Variants in KCNK2 observed in about 807,000 individuals in gnomAD.
The protein encoded by KCNK2 is potassium channel subfamily K member 2.
Under a neutral mutation model 40.5 loss-of-function variants are expected in KCNK2, and 21 were observed. The observed-to-expected ratio is 0.52, with a 90% CI of 0.37 to 0.75. The LOEUF (loss-of-function observed/expected upper bound fraction) is 0.75, where lower values mean the gene tolerates loss of function less well. KCNK2 is among the 30% of genes least tolerant of loss of function. The pLI is 0.00. For synonymous variants in KCNK2, 191 were observed against 202.2 expected (o/e 0.94, Z 0.47); for missense variants, 399 against 531.6 (o/e 0.75, Z 2.45).
At chr1:215,016,255 A>T (rs1656581630) in intron 1 of KCNK2, among the ~76,000 whole-genome samples, 1 of 152,126 alleles carries the variant, frequency 6.6e-6, no homozygotes, top group African/African-American at 2.4e-5. Context: ...ACGGAGACAA[A>T]AAAATGAAAA....
In KCNK2 at chr1:215,236,814, A is replaced by G. The variant is rs2102721291; in HGVS notation, c.*1669A>G. The G allele has an allele frequency of 6.6e-6, 1 of 152,258 alleles. No homozygotes were observed. Among genetic ancestry groups the G allele is most frequent in the Admixed American group, 6.5e-5 (1 of 15,290 alleles). 9.4% of individuals were successfully genotyped at this position (152,258 alleles called of 1,614,324 possible). On this transcript the variant is annotated 3_prime_UTR_variant, in exon 7 of 7. Coordinates refer to ENST00000444842, the MANE Select transcript of KCNK2 (RefSeq NM_001017425.3). ...AGTGGCATTCAGATTAGGGTCTTGA[A>G]AAATAAACCCAGAATCTTTAAAAGA...
intron 5 of KCNK2, among the ~76,000 whole-genome samples, chr1:215,192,878 C>G (rs958716299): frequency 1.2e-4 from 18 of 152,082 alleles, no homozygotes; most frequent in African/African-American, 4.3e-4. Flanking sequence ...CAAAAGAAAG[C>G]TGAACGATGC....
At chr1:215,222,191 A>C (rs969847035) in intron 6 of KCNK2, among the ~76,000 whole-genome samples, 5 of 152,200 alleles carry the variant, frequency 3.3e-5, no homozygotes, top group Non-Finnish European at 5.9e-5. Context: ...TCCATCCAGC[A>C]TTGGGGATTA....
chr1:215,043,346 C>T (rs1287414610), intron 1 of KCNK2, among the ~76,000 whole-genome samples: 3 of 152,196 alleles, frequency 2.0e-5, no homozygotes, highest in Non-Finnish European at 4.4e-5. Flanking sequence ...TATTTGTACA[C>T]CATGTTCATA....
chr1:215,176,362 G>GT (rs1663972553), intron 5 of KCNK2, among the ~76,000 whole-genome samples: 1 of 151,774 alleles, frequency 6.6e-6, no homozygotes, highest in Admixed American at 6.6e-5. Flanking sequence ...AAGTTCAGGG[G>GT]TACATGTGCA....
intron 1 of KCNK2, among the ~76,000 whole-genome samples, chr1:215,072,928 G>A (rs1206424830): frequency 1.3e-5 from 2 of 152,038 alleles, no homozygotes; most frequent in East Asian, 1.9e-4. Flanking sequence ...CCCCAATACC[G>A]TAGAATGTGA....
At chr1:215,022,106 C>T (rs1571852421) in intron 1 of KCNK2, among the ~76,000 whole-genome samples, 1 of 109,186 alleles carries the variant, frequency 9.2e-6, no homozygotes, top group Non-Finnish European at 2.1e-5. Context: ...TAAATCCCCT[C>T]CTATCTATCT....
At chr1:215,209,476 T>TTATATATAATATATATATTA (rs370130203) in intron 6 of KCNK2, among the ~76,000 whole-genome samples, 10 of 43,194 alleles carry the variant, frequency 2.3e-4, no homozygotes, top group Non-Finnish European at 3.8e-4. Flanking sequence ...ATAATATATA[T>TTATATATAATATATATATTA]TATATATAAT....
chr1:215,112,946 G>GA (rs1402349279), intron 2 of KCNK2, among the ~76,000 whole-genome samples: 1 of 152,142 alleles, frequency 6.6e-6, no homozygotes, highest in Non-Finnish European at 1.5e-5. Flanking sequence ...CAAACTGACA[G>GA]AATACAGTGT....
intron 2 of KCNK2, among the ~76,000 whole-genome samples, chr1:215,113,383 T>A (rs1467908618): frequency 6.6e-6 from 1 of 152,182 alleles, no homozygotes; most frequent in African/African-American, 2.4e-5. Flanking sequence ...ATTTTATTAT[T>A]CTTTTGGCAT....
At chr1:215,025,308 G>A (rs996274257) in intron 1 of KCNK2, among the ~76,000 whole-genome samples, 2 of 152,044 alleles carry the variant, frequency 1.3e-5, no homozygotes, top group Non-Finnish European at 2.9e-5. Context: ...CTCCAGGTCA[G>A]AAAATATGCA....
intron 3 of KCNK2, among the ~76,000 whole-genome samples, chr1:215,164,491 C>A (rs1663354552): frequency 6.6e-6 from 1 of 152,066 alleles, no homozygotes; most frequent in Non-Finnish European, 1.5e-5. Context: ...TTCTCTAGTT[C>A]TTTTAATTGT....
intron 3 of KCNK2, among the ~76,000 whole-genome samples, chr1:215,137,100 A>T (rs1003816336): frequency 2.6e-5 from 4 of 152,144 alleles, no homozygotes; most frequent in African/African-American, 4.8e-5. Flanking sequence ...TCAAAATAAA[A>T]ATGAAAATTA....
chr1:215,083,440 C>G lies in KCNK2; in HGVS notation c.46+9C>G, dbSNP rs745765366. Reference sequence around the variant, plus strand: ...CGGCTATAGAGCAGGAGGTGAGACCCCCCCTCCGGTACCCCCACCCCTCTG... The same window carrying G: ...CGGCTATAGAGCAGGAGGTGAGACCGCCCCTCCGGTACCCCCACCCCTCTG... On this transcript the variant is annotated intron_variant, in intron 1 of 6. Transcript: ENST00000444842. 1.2e-6 allele frequency: 2 copies of G among 1,604,562 alleles called. No individual in the cohort carries two copies. The highest frequency in any genetic ancestry group is 2.2e-5 in the East Asian group (1 of 44,800).
intron 5 of KCNK2, 63 bp from the exon 6 acceptor site, chr1:215,194,890 A>G (rs908595713): frequency 2.0e-6 from 3 of 1,499,508 alleles, no homozygotes; most frequent in Admixed American, 1.9e-5. Context: ...AATTTTAGCA[A>G]TACCTAGATT....
chr1:215,044,507 A>G (rs1473426914), intron 1 of KCNK2, among the ~76,000 whole-genome samples: 1 of 152,122 alleles, frequency 6.6e-6, no homozygotes, highest in Non-Finnish European at 1.5e-5. Context: ...TCTCCTATCA[A>G]ATGGGAATAA....
intron 6 of KCNK2, among the ~76,000 whole-genome samples, chr1:215,195,530 T>C (rs1472697492): frequency 2.0e-5 from 3 of 152,156 alleles, no homozygotes; most frequent in African/African-American, 7.2e-5. Context: ...TTTATTTTTC[T>C]TATGTCTATA....
chr1:215,057,335 A>C (rs1389745927), intron 1 of KCNK2, among the ~76,000 whole-genome samples: 1 of 152,192 alleles, frequency 6.6e-6, no homozygotes, highest in African/African-American at 2.4e-5. Flanking sequence ...CATACAACAA[A>C]TGTCCCATAA....
intron 1 of KCNK2, among the ~76,000 whole-genome samples, chr1:215,036,927 C>T (rs1657404844): frequency 6.7e-6 from 1 of 149,798 alleles, no homozygotes. Flanking sequence ...TTTGTAGATG[C>T]TTTAGAATTT....
Sources: gnomAD v4.1 joint callset for allele counts (sites outside exome capture counted in the v4.1 genomes callset) on GRCh38, gnomAD v4.1.1 for gene constraint, MANE v1.5 for transcripts, NCBI Gene and HGNC (gene_info 2026-07-23, HGNC 2026-07-21) for gene names.